ZNF518A: variants seen among roughly 807,000 people sequenced by gnomAD.
ZNF518A encodes the protein zinc finger protein 518A.
ZNF518A carries 47 observed loss-of-function variants against 102.7 expected under a neutral mutation model. The observed-to-expected ratio is 0.46, with a 90% CI of 0.36 to 0.58. The LOEUF (loss-of-function observed/expected upper bound fraction) is 0.58. Ranked by LOEUF, ZNF518A falls within the 20% of genes least tolerant of loss-of-function variation. ZNF518A has a pLI of 0.00. For synonymous variants in ZNF518A, 652 were observed against 594.6 expected, an observed-to-expected ratio of 1.10 and a Z score of -1.40; for missense variants, 1,793 against 1,699.8, an observed-to-expected ratio of 1.05 and a Z score of -0.96.
chr10:96,154,173 A>T (rs1402367393), intron 3 of ZNF518A, among the ~76,000 whole-genome samples: 1 of 152,218 alleles, frequency 6.6e-6, no homozygotes, highest in Non-Finnish European at 1.5e-5. Flanking sequence ...TCTACAAAAA[A>T]TACAGAACAT....
intron 1 of ZNF518A, among the ~76,000 whole-genome samples, chr10:96,168,894 A>C (rs1353809537): frequency 6.6e-6 from 1 of 152,164 alleles, no homozygotes; most frequent in Admixed American, 6.5e-5. Flanking sequence ...ATGGTAGATT[A>C]ATTTTTGTTA....
intron 1 of ZNF518A, among the ~76,000 whole-genome samples, chr10:96,177,228 G>A (rs2083210763): frequency 6.6e-6 from 1 of 152,084 alleles, no homozygotes; most frequent in Admixed American, 6.5e-5. Flanking sequence ...AGAAGATAGT[G>A]GAATGATATT....
At chr10:96,149,525 A>G (rs782168472) in intron 3 of ZNF518A, among the ~76,000 whole-genome samples, 10 of 152,202 alleles carry the variant, frequency 6.6e-5, no homozygotes, top group Non-Finnish European at 1.3e-4. Flanking sequence ...ATCCAACTAT[A>G]AGTCAACCAA....
chr10:96,168,422 A>G (rs587717740), downstream of ZNF518A, among the ~76,000 whole-genome samples: 1 of 149,582 alleles, frequency 6.7e-6, no homozygotes, highest in African/African-American at 2.5e-5. Flanking sequence ...TGGTGAATAT[A>G]TTTACCTTTC....
At chr10:96,180,992 C>G (rs1471039570) in intron 1 of ZNF518A, among the ~76,000 whole-genome samples, 1 of 152,204 alleles carries the variant, frequency 6.6e-6, no homozygotes, top group Non-Finnish European at 1.5e-5. Context: ...TTCTCCACAT[C>G]CTCTCCAGCA....
chr10:96,203,338 T>C (rs2083701740), intron 1 of ZNF518A, among the ~76,000 whole-genome samples: 2 of 152,330 alleles, frequency 1.3e-5, no homozygotes, highest in South Asian at 4.1e-4. Flanking sequence ...TGAATATTAT[T>C]AAAAATTTAA....
At chr10:96,203,196 G>A (rs1347179732) in intron 1 of ZNF518A, among the ~76,000 whole-genome samples, 1 of 151,880 alleles carries the variant, frequency 6.6e-6, no homozygotes, top group Non-Finnish European at 1.5e-5. Flanking sequence ...TGAATGACTT[G>A]GTTTGAAAAA....
chr10:96,158,792 G>A lies in ZNF518A; in HGVS notation c.2470G>A (p.Gly824Ser). The change falls in exon 6 of 6, where the codon GGC (glycine) becomes AGC (serine). Residue 824 changes from glycine (G) to serine (S), a missense_variant. Gly to Ser is a moderately conservative substitution (Grantham distance 56). Transcript: ENST00000316045. The part of the protein sequence containing the change: ...DQSFQKHERE[G>S]KIVESSKDFK... Reference sequence around the variant, plus strand: ...GTCATTTCAAAAACACGAGAGAGAAGGCAAAATTGTTGAATCTTCGAAAGA... The same window carrying A: ...GTCATTTCAAAAACACGAGAGAGAAAGCAAAATTGTTGAATCTTCGAAAGA... 1 of 1,613,636 alleles carries A rather than the reference G, an allele frequency of 6.2e-7. No homozygotes were observed. The highest frequency in any genetic ancestry group is 8.5e-7 in the Non-Finnish European group (1 of 1,179,686).
intron 1 of ZNF518A, among the ~76,000 whole-genome samples, chr10:96,195,536 T>C (rs1168649548): frequency 6.6e-6 from 1 of 152,248 alleles, no homozygotes; most frequent in Admixed American, 6.5e-5. Context: ...AAGGACATCA[T>C]GCTAAGTTAA....
chr10:96,167,785 A>G (rs1554890521), downstream of ZNF518A, among the ~76,000 whole-genome samples: 1 of 152,214 alleles, frequency 6.6e-6, no homozygotes, highest in African/African-American at 2.4e-5. Context: ...AATACAAGCA[A>G]AAACTGTAAA....
At chr10:96,184,723 C>T (rs911119945) in intron 1 of ZNF518A, among the ~76,000 whole-genome samples, 1 of 151,406 alleles carries the variant, frequency 6.6e-6, no homozygotes, top group Non-Finnish European at 1.5e-5. Context: ...TTCTCTCTGG[C>T]TGCCCTTAAC....
At chr10:96,147,057 T>C (rs2082204362) in intron 3 of ZNF518A, among the ~76,000 whole-genome samples, 2 of 152,154 alleles carry the variant, frequency 1.3e-5, no homozygotes, top group South Asian at 4.1e-4. Context: ...AGGCTCAGAG[T>C]ATAGACCAGA....
chr10:96,195,291 C>T (rs1554894433), intron 1 of ZNF518A, among the ~76,000 whole-genome samples: 1 of 152,144 alleles, frequency 6.6e-6, no homozygotes, highest in Admixed American at 6.5e-5. Context: ...CCCATATCAT[C>T]CAGCAATCCC....
chr10:96,137,237 G>C (rs1451033405), intron 3 of ZNF518A, among the ~76,000 whole-genome samples: 6 of 127,602 alleles, frequency 4.7e-5, no homozygotes, highest in Non-Finnish European at 9.6e-5. Context: ...CTTCACTGCT[G>C]CATTTCTTTC....
rs183084327 is a variant in ZNF518A, at chr10:96,131,892, A to G, written c.-452-694A>G. ...TAGCCTAGATCTATAATTTGACTTC[A>G]GGATATGCTTTAAATGCCCTTTAAG... is the stretch of plus-strand genomic sequence containing the variant. On this transcript the variant is annotated intron_variant, in intron 1 of 5. Transcript: ENST00000316045. Among the ~76,000 whole-genome samples, 1,047 of 152,316 alleles carry G rather than the reference A, an allele frequency of 6.9e-3. 7 individuals are homozygous for G. The highest frequency in any genetic ancestry group is 0.01 in the Non-Finnish European group (684 of 68,008).
Position 96,159,581 on chromosome 10 carries a change from G to A in ZNF518A, c.3259G>A (p.Glu1087Lys), listed in dbSNP as rs782600323. Residue 1087 changes from glutamate to lysine, a missense_variant, in exon 6 of 6, where the codon GAG becomes AAG. Coordinates refer to ENST00000316045, the MANE Select transcript of ZNF518A (RefSeq NM_001330736.2). ...CTCCGATTCAGTAAAACAGCAGAAT[G>A]AGATTTTTCCAAAACCACCTCTTTA... ...NISDSVKQQN[E>K]IFPKPPLYTF... 1 of 1,613,846 alleles carries A rather than the reference G, an allele frequency of 6.2e-7. No homozygotes were observed. Among genetic ancestry groups the A allele is most frequent in the South Asian group, 1.1e-5 (1 of 91,072 alleles).
chr10:96,156,368 A>G lies in ZNF518A; in HGVS notation c.46A>G (p.Thr16Ala), dbSNP rs781787718. 6.3e-7 allele frequency: 1 copy of G among 1,591,904 alleles called. No homozygotes were observed. The highest frequency in any genetic ancestry group is 8.5e-7 in the Non-Finnish European group (1 of 1,173,648). Reference sequence around the variant, plus strand: ...GTTATTTTGTGATGAAAAACAAACTACTTTAAAAAAAGATTATGATGTGAA... The same window carrying G: ...GTTATTTTGTGATGAAAAACAAACTGCTTTAAAAAAAGATTATGATGTGAA... ...KQLFCDEKQT[T>A]LKKDYDVKNE... Residue 16 changes from threonine to alanine, a missense_variant, in exon 6 of 6, where the codon ACT (threonine) becomes GCT (alanine). This residue lies in a region of ZNF518A where 1,741 missense variants were observed against 1,622.6 expected (regional missense o/e 1.07). Coordinates refer to ENST00000316045, the MANE Select transcript of ZNF518A (RefSeq NM_001330736.2).
At chr10:96,176,579 C>T (rs587703168) in intron 1 of ZNF518A, among the ~76,000 whole-genome samples, 29 of 152,208 alleles carry the variant, frequency 1.9e-4, no homozygotes, top group African/African-American at 7.0e-4. Context: ...CCCTGGGAAA[C>T]ATAGTGAGAC....
intron 3 of ZNF518A, among the ~76,000 whole-genome samples, chr10:96,150,355 GA>G (rs1322364081): frequency 3.4e-5 from 5 of 148,926 alleles, no homozygotes; most frequent in Non-Finnish European, 7.4e-5. Flanking sequence ...AAAAAAAATT[GA>G]TGTCTGATTA....
Sources: gnomAD v4.1 joint callset for allele counts (sites outside exome capture counted in the v4.1 genomes callset) on GRCh38, gnomAD v4.1.1 for gene constraint, gnomAD v4.1.1 regional missense constraint, MANE v1.5 for transcripts, NCBI Gene and HGNC (gene_info 2026-07-23, HGNC 2026-07-21) for gene names.